The following PTPRN2 variants were observed in gnomAD, a reference collection of about 807,000 sequenced individuals.
PTPRN2 encodes the protein protein tyrosine phosphatase receptor type N2.
PTPRN2 carries 74 observed loss-of-function variants against 118.8 expected under a neutral mutation model. That is an observed-to-expected ratio of 0.62 (90% CI 0.52 to 0.76). The LOEUF is 0.76. PTPRN2 is among the 30% of genes least tolerant of loss of function. The pLI is 0.00. For synonymous variants in PTPRN2, 641 were observed against 608.0 expected (o/e 1.05, Z -0.80); for missense variants, 1,481 against 1,394.4 (o/e 1.06, Z -0.99).
intron 3 of PTPRN2, among the ~76,000 whole-genome samples, chr7:158,304,091 A>C (rs1480196530): frequency 5.3e-5 from 8 of 149,674 alleles, no homozygotes. Flanking sequence ...AATACACATA[A>C]GATGTACACA....
At position 157,550,504 on chromosome 7, in the gene PTPRN2, G is replaced by A. The variant is rs571053413; in HGVS notation, c.2903-1485C>T. On this transcript the variant is annotated intron_variant, in intron 21 of 22. Transcript: ENST00000389418. This position sits in a 1 kb window ranked among gnomAD's most constrained non-coding sequence, Gnocchi z 5.2. Reference sequence around the variant, plus strand: ...CGGCTCCACCAGGGAGGCCGGGCGCGAGATGACCACCCCACCTGCCCTGCC... The same window carrying A: ...CGGCTCCACCAGGGAGGCCGGGCGCAAGATGACCACCCCACCTGCCCTGCC... 3.8e-4 allele frequency among the ~76,000 whole-genome samples: 58 copies of A among 152,354 alleles called. No individual in the cohort carries two copies. The highest frequency in any genetic ancestry group is 7.1e-4 in the Non-Finnish European group (48 of 68,026).
intron 12 of PTPRN2, among the ~76,000 whole-genome samples, chr7:157,844,863 G>A (rs1290889948): frequency 6.6e-6 from 1 of 152,222 alleles, no homozygotes. Context: ...AGTCCTGTGA[G>A]CCTCCGGGTG....
chr7:158,008,690 G>A lies in PTPRN2; in HGVS notation c.1723+72608C>T, dbSNP rs74899048. Among the ~76,000 whole-genome samples, 1,348 of 152,348 alleles carry A rather than the reference G, an allele frequency of 8.8e-3. 14 individuals are homozygous for A. The highest frequency in any genetic ancestry group is 0.031 in the African/African-American group (1,293 of 41,584). ...TGGGGCCTTAAACCTTCAGGGCCAC[G>A]TTGTGATTTATCTTCACACAGCGCT... On this transcript the variant is annotated intron_variant, in intron 11 of 22. Transcript: ENST00000389418.
chr7:158,191,239 A>G (rs147506402), intron 5 of PTPRN2, among the ~76,000 whole-genome samples: 2,199 of 152,216 alleles, frequency 0.014, 36 homozygotes, highest in South Asian at 0.057. Context: ...ATTGCTTCCC[A>G]CACATATCCC....
At chr7:157,925,505 G>A (rs985864160) in intron 11 of PTPRN2, among the ~76,000 whole-genome samples, 8 of 152,060 alleles carry the variant, frequency 5.3e-5, no homozygotes, top group Admixed American at 2.0e-4. Flanking sequence ...TCGTGGTCCC[G>A]GGTCCCAACC....
intron 3 of PTPRN2, among the ~76,000 whole-genome samples, chr7:158,312,138 G>T (rs908365139): frequency 7.1e-6 from 1 of 141,036 alleles, no homozygotes; most frequent in Non-Finnish European, 1.5e-5. Flanking sequence ...GTGCTCACGT[G>T]TAGACAGCCA....
Position 157,568,938 on chromosome 7 carries a change from C to A in PTPRN2, c.2866G>T (p.Val956Phe), listed in dbSNP as rs1388524322. The change falls in exon 21 of 23, where the codon GTC becomes TTC. Residue 956 changes from valine to phenylalanine, a missense_variant. Physicochemically the swap from Val to Phe is conservative, Grantham distance 50 (BLOSUM62 -1). Coordinates refer to ENST00000389418, the MANE Select transcript of PTPRN2 (RefSeq NM_002847.5). ...TTGTTGAGAACCATGTCGATCAGGA[C>A]GTAGGTGCCGCTCCGGCCTGCACCG... ...SDGAGRSGTY[V>F]LIDMVLNKMA... The A allele has an allele frequency of 3.8e-6, 6 of 1,578,344 alleles. No individual in the cohort carries two copies. In the African/African-American group the frequency reaches 8.1e-5, roughly 21 times the overall value.
At chr7:158,279,692 C>T (rs1799280116) in intron 3 of PTPRN2, among the ~76,000 whole-genome samples, 1 of 152,064 alleles carries the variant, frequency 6.6e-6, no homozygotes, top group African/African-American at 2.4e-5. Flanking sequence ...CGTGTGCAGC[C>T]CCGGCTCCCA....
intron 11 of PTPRN2, among the ~76,000 whole-genome samples, chr7:157,963,632 C>G (rs763134162): frequency 1.3e-5 from 2 of 152,216 alleles, no homozygotes; most frequent in Non-Finnish European, 2.9e-5. Context: ...TGGAAACAGG[C>G]CACAGTTCGG....
chr7:158,164,832 G>A (rs185982863), intron 6 of PTPRN2, among the ~76,000 whole-genome samples: 319 of 152,258 alleles, frequency 2.1e-3, no homozygotes, highest in Non-Finnish European at 3.7e-3. Flanking sequence ...AGCCGGTGCC[G>A]GGGAGGGGCA....
intron 1 of PTPRN2, among the ~76,000 whole-genome samples, chr7:158,524,377 G>A (rs1437084554): frequency 3.1e-4 from 40 of 128,142 alleles, no homozygotes; most frequent in Non-Finnish European, 4.7e-4. Flanking sequence ...GCCCTGGAGT[G>A]GAGTCTGCCC....
chr7:157,932,820 C>T (rs1056092392), intron 11 of PTPRN2, among the ~76,000 whole-genome samples: 2 of 148,684 alleles, frequency 1.3e-5, no homozygotes, highest in Non-Finnish European at 3.0e-5. Flanking sequence ...AAGTGACTCA[C>T]TTTGACTGAC....
At chr7:157,747,791 C>T (rs1801086597) in intron 12 of PTPRN2, among the ~76,000 whole-genome samples, 1 of 128,372 alleles carries the variant, frequency 7.8e-6, no homozygotes, top group Non-Finnish European at 1.6e-5. Context: ...CGTCCCTGAG[C>T]TGTGGGCTGT....
chr7:158,408,634 A>G lies in PTPRN2; in HGVS notation c.163+81101T>C, dbSNP rs189238439. The stretch of plus-strand genomic sequence containing the variant: ...GATGGGCTCAGAAAAAGTCCAAATG[A>G]TAAGAAAAGGTAAATTGCATAATAT... On this transcript the variant is annotated intron_variant, in intron 2 of 22. Coordinates refer to ENST00000389418, the MANE Select transcript of PTPRN2 (RefSeq NM_002847.5). Among the ~76,000 whole-genome samples the G allele has an allele frequency of 1.7e-3, 262 of 152,358 alleles. 1 individual carries two copies. The highest frequency in any genetic ancestry group is 6.1e-3 in the African/African-American group (252 of 41,578).
In PTPRN2 at chr7:158,526,736, G is replaced by C. The variant is rs999759983; in HGVS notation, c.113-36951C>G. On this transcript the variant is annotated intron_variant, in intron 1 of 22. Coordinates refer to ENST00000389418, the MANE Select transcript of PTPRN2 (RefSeq NM_002847.5). The surrounding 1 kb of genome is among the most constrained non-coding windows in gnomAD (Gnocchi z 5.2). The stretch of plus-strand genomic sequence containing the variant: ...GAGGAGGAGGTGAGGACACAGACAC[G>C]CACAGATGGACAACCCTGTGGGGCA... Among the ~76,000 whole-genome samples, 1 of 152,086 alleles carries C rather than the reference G, an allele frequency of 6.6e-6. No individual in the cohort carries two copies. Among genetic ancestry groups the C allele is most frequent in the Non-Finnish European group, 1.5e-5 (1 of 68,010 alleles).
rs1796286 is a variant in PTPRN2, at chr7:157,751,546, C to T, written c.1789-68609G>A. 3.9e-3 allele frequency among the ~76,000 whole-genome samples: 597 copies of T among 152,190 alleles called. 1 individual carries two copies. Among genetic ancestry groups the T allele is most frequent in the African/African-American group, 0.014 (563 of 41,524 alleles). On this transcript the variant is annotated intron_variant, in intron 12 of 22. Transcript: ENST00000389418. ...CTCGCTCGGGAGGTGTCTCTGTCCT[C>T]GGCGTGGGAGGGTCTTTGAGAAGGT...
intron 10 of PTPRN2, among the ~76,000 whole-genome samples, chr7:158,082,257 C>T (rs1331016572): frequency 1.3e-5 from 2 of 152,218 alleles, no homozygotes; most frequent in African/African-American, 4.8e-5. Context: ...TACCATGTAG[C>T]CCAGGGTCCC....
At chr7:158,337,349 C>G (rs1475134561) in intron 2 of PTPRN2, among the ~76,000 whole-genome samples, 6 of 84,100 alleles carry the variant, frequency 7.1e-5, no homozygotes, top group African/African-American at 2.6e-4. Context: ...AGAGGTGACA[C>G]CTGCAGACGT....
rs117659904 is a variant in PTPRN2, at chr7:157,631,340, G to A, written c.2197-9831C>T. On this transcript the variant is annotated intron_variant, in intron 14 of 22. Transcript: ENST00000389418. ...AACAAAGCGTAGAAGGGGAAACAAC[G>A]TGTGGTGCGTGTTGGTTTTGAGACC... Among the ~76,000 whole-genome samples, 942 of 152,314 alleles carry A rather than the reference G, an allele frequency of 6.2e-3. 6 individuals are homozygous for A. The highest frequency in any genetic ancestry group is 0.017 in the Middle Eastern group (5 of 294).
Sources: allele counts gnomAD v4.1 joint callset (sites outside exome capture counted in the v4.1 genomes callset), GRCh38; gene constraint gnomAD v4.1.1; non-coding constraint Gnocchi (gnomAD v3.1); transcripts MANE v1.5; gene names NCBI Gene and HGNC (gene_info 2026-07-23, HGNC 2026-07-21).